The following KIAA1217 variants were observed in gnomAD, a reference collection of about 807,000 sequenced individuals.
KIAA1217 encodes KIAA1217.
Under a neutral mutation model 163.9 loss-of-function variants are expected in KIAA1217, and 88 were observed. The observed-to-expected ratio is 0.54, with a 90% CI of 0.45 to 0.64. KIAA1217 has a LOEUF of 0.64. Ranked by LOEUF, KIAA1217 falls within the 30% of genes least tolerant of loss-of-function variation. The probability of loss-of-function intolerance (pLI) is 0.00; values close to 1 mark genes in which losing one functional copy is unlikely to be tolerated. For missense variants in KIAA1217, 2,372 were observed against 2,475.0 expected, an observed-to-expected ratio of 0.96 and a Z score of 0.88; for synonymous variants, 903 against 923.1, an observed-to-expected ratio of 0.98 and a Z score of 0.39.
intron 1 of KIAA1217, among the ~76,000 whole-genome samples, chr10:23,764,743 G>T (rs1370630097): frequency 6.6e-6 from 1 of 152,096 alleles, no homozygotes; most frequent in South Asian, 2.1e-4. Context: ...GAGTTGAACA[G>T]TGAGAACACA....
At chr10:23,896,009 G>A (rs1399213557) in intron 1 of KIAA1217, among the ~76,000 whole-genome samples, 1 of 118,294 alleles carries the variant, frequency 8.5e-6, no homozygotes, top group Non-Finnish European at 1.7e-5. Flanking sequence ...GGGGGAGGGG[G>A]GAGGGATAGC....
At chr10:24,226,462 TA>T (rs570681774) in intron 2 of KIAA1217, among the ~76,000 whole-genome samples, 2,234 of 141,602 alleles carry the variant, frequency 0.016, 33 homozygotes, top group African/African-American at 0.046. Flanking sequence ...CCGTCTCTAC[TA>T]AAAAAAAAAA....
intron 5 of KIAA1217, among the ~76,000 whole-genome samples, chr10:24,446,967 A>G (rs1344233689): frequency 1.3e-5 from 2 of 152,060 alleles, no homozygotes; most frequent in Admixed American, 1.3e-4. Flanking sequence ...TGTCTTCATC[A>G]GTGTGTCGAT....
intron 1 of KIAA1217, among the ~76,000 whole-genome samples, chr10:23,841,194 T>C (rs528686820): frequency 3.3e-4 from 51 of 152,344 alleles, no homozygotes; most frequent in African/African-American, 1.2e-3. Context: ...TGGCAATTTC[T>C]ATGAAAAAGT....
intron 10 of KIAA1217, among the ~76,000 whole-genome samples, chr10:24,514,198 A>T (rs1383563838): frequency 6.6e-6 from 1 of 152,190 alleles, no homozygotes; most frequent in Non-Finnish European, 1.5e-5. Context: ...TCATAGAACT[A>T]TCTCACCTTT....
intron 1 of KIAA1217, among the ~76,000 whole-genome samples, chr10:23,792,077 G>A (rs2130935355): frequency 6.6e-6 from 1 of 152,274 alleles, no homozygotes; most frequent in Non-Finnish European, 1.5e-5. Flanking sequence ...AAGTGGCCTA[G>A]AAATCAATTA....
intron 2 of KIAA1217, among the ~76,000 whole-genome samples, chr10:24,034,441 T>C (rs1848309837): frequency 6.6e-6 from 1 of 151,280 alleles, no homozygotes; most frequent in South Asian, 2.1e-4. Flanking sequence ...CACATGCCTG[T>C]GGTCCCAGCT....
chr10:24,186,024 C>G (rs527724712), intron 2 of KIAA1217, among the ~76,000 whole-genome samples: 14 of 152,016 alleles, frequency 9.2e-5, no homozygotes, highest in Non-Finnish European at 1.6e-4. Flanking sequence ...ACTCTAATTT[C>G]TGTCTTCCCT....
chr10:23,818,622 G>T (rs1001702178), intron 1 of KIAA1217, among the ~76,000 whole-genome samples: 12 of 151,976 alleles, frequency 7.9e-5, no homozygotes, highest in Admixed American at 7.9e-4. Flanking sequence ...ACCCACTTCC[G>T]TCTGCCCCAG....
chr10:24,294,642 C>G (rs998899386), intron 2 of KIAA1217, among the ~76,000 whole-genome samples: 1 of 152,228 alleles, frequency 6.6e-6, no homozygotes. Flanking sequence ...CTGTACACTT[C>G]AACCAACTGC....
At chr10:23,939,189 GC>G (rs1227494577) in intron 1 of KIAA1217, among the ~76,000 whole-genome samples, 4 of 151,988 alleles carry the variant, frequency 2.6e-5, no homozygotes, top group Admixed American at 2.0e-4. Context: ...TAAAAAAGGA[GC>G]AAAAAGCAAT....
chr10:24,297,069 AGCTGTCT>A (rs2040708724), intron 2 of KIAA1217, among the ~76,000 whole-genome samples: 1 of 152,244 alleles, frequency 6.6e-6, no homozygotes, highest in East Asian at 1.9e-4. Context: ...AAGGCTTGTT[AGCTGTCT>A]AGGAATAAAA....
chr10:24,078,793 G>T (rs932585003), intron 2 of KIAA1217, among the ~76,000 whole-genome samples: 2 of 152,152 alleles, frequency 1.3e-5, no homozygotes, highest in Non-Finnish European at 2.9e-5. Context: ...AGAGACAAAT[G>T]AAAAGGCTGA....
chr10:23,843,438 G>A (rs1206647792), intron 1 of KIAA1217, among the ~76,000 whole-genome samples: 5 of 152,086 alleles, frequency 3.3e-5, no homozygotes, highest in African/African-American at 9.7e-5. Flanking sequence ...ATCAATCCCT[G>A]TTCCTCCCTG....
At chr10:24,207,924 A>C (rs553347805), upstream of KIAA1217, among the ~76,000 whole-genome samples, 121 of 152,296 alleles carry the variant, frequency 7.9e-4, no homozygotes, top group African/African-American at 2.9e-3. Context: ...CTTGATCTAA[A>C]TCAATCTCAA....
At chr10:23,726,712 AAAC>A (rs1402106851) in intron 1 of KIAA1217, among the ~76,000 whole-genome samples, 1 of 151,174 alleles carries the variant, frequency 6.6e-6, no homozygotes, top group East Asian at 1.9e-4. Flanking sequence ...AGAAAAAAAC[AAAC>A]AACCCCATCA....
At chr10:24,116,058 G>C (rs765028423) in intron 2 of KIAA1217, among the ~76,000 whole-genome samples, 1 of 151,914 alleles carries the variant, frequency 6.6e-6, no homozygotes. Context: ...GACTTCCCTC[G>C]TTGACAGTGT....
chr10:23,968,425 T>C (rs1845163418), intron 1 of KIAA1217, among the ~76,000 whole-genome samples: 1 of 152,218 alleles, frequency 6.6e-6, no homozygotes, highest in Non-Finnish European at 1.5e-5. Context: ...AGCTGACTTA[T>C]GGAAAGCACC....
At chr10:24,314,708 G>T (rs919521508) in intron 2 of KIAA1217, among the ~76,000 whole-genome samples, 1 of 152,166 alleles carries the variant, frequency 6.6e-6, no homozygotes, top group African/African-American at 2.4e-5. Context: ...TTGGGAGGCC[G>T]AGGCAGGAGG....
Sources: gnomAD v4.1 joint callset for allele counts (sites outside exome capture counted in the v4.1 genomes callset) on GRCh38, gnomAD v4.1.1 for gene constraint, MANE v1.5 for transcripts, NCBI Gene and HGNC (gene_info 2026-07-23, HGNC 2026-07-21) for gene names.